Variants in GRM5 observed in about 807,000 individuals in gnomAD.
GRM5 encodes the protein metabotropic glutamate receptor 5.
A neutral mutation model predicts 83.1 loss-of-function variants in GRM5; 19 were observed. The observed-to-expected ratio is 0.23, with a 90% CI of 0.16 to 0.34. The LOEUF is 0.34. Among genes scored for constraint, GRM5 ranks in the 10% least tolerant of loss-of-function variants. The pLI is 1.00. For synonymous variants in GRM5, 675 were observed against 633.6 expected (o/e 1.07, Z -0.98); for missense variants, 1,160 against 1,588.3 (o/e 0.73, Z 4.58).
intron 3 of GRM5, among the ~76,000 whole-genome samples, chr11:88,769,492 G>T (rs931191956): frequency 6.6e-6 from 1 of 151,986 alleles, no homozygotes; most frequent in Non-Finnish European, 1.5e-5. Flanking sequence ...AACCAGTGTT[G>T]CTTGGAGAAA....
At chr11:88,600,933 G>C (rs2135225526) in intron 5 of GRM5, among the ~76,000 whole-genome samples, 1 of 152,308 alleles carries the variant, frequency 6.6e-6, no homozygotes, top group Non-Finnish European at 1.5e-5. Context: ...CAATTACAAT[G>C]ATCTGTGCCT....
At chr11:88,696,990 C>T (rs180813935) in intron 3 of GRM5, among the ~76,000 whole-genome samples, 14 of 152,258 alleles carry the variant, frequency 9.2e-5, no homozygotes, top group Admixed American at 9.2e-4. Context: ...CTAAGCCTAC[C>T]AGCTGCAACT....
intron 5 of GRM5, among the ~76,000 whole-genome samples, chr11:88,603,248 T>G (rs1011254217): frequency 6.6e-6 from 1 of 152,224 alleles, no homozygotes; most frequent in African/African-American, 2.4e-5. Flanking sequence ...GAGCTGGACC[T>G]TCTGAGGCAT....
At position 88,567,105 on chromosome 11, in the gene GRM5, T is replaced by C. The variant is rs1260414047; in HGVS notation, c.2578A>G (p.Ser860Gly). 1.2e-6 allele frequency: 2 copies of C among 1,614,048 alleles called. No individual in the cohort carries two copies. ...GKSSSAASRSSSLVNLWKRRG... is the reference protein window; with the variant it reads ...GKSSSAASRSGSLVNLWKRRG... Reference sequence around the variant, plus strand: ...CTCTTCCACAGGTTGACTAGGCTGCTGGATCTGCTGGCTGCGGAGGATGAC... The same window carrying C: ...CTCTTCCACAGGTTGACTAGGCTGCCGGATCTGCTGGCTGCGGAGGATGAC... Residue 860 changes from serine (S) to glycine (G), a missense_variant, in exon 8 of 10, where the codon AGC (serine) becomes GGC (glycine). Around this residue, in one of 9 missense-constraint regions of GRM5, gnomAD observed 562 missense variants for 532.4 expected, o/e 1.06. Coordinates refer to ENST00000305447, the MANE Select transcript of GRM5 (RefSeq NM_001143831.3). This position sits in a 1 kb window ranked among gnomAD's most constrained non-coding sequence, Gnocchi z 7.3.
chr11:88,814,735 T>C (rs932972043), intron 3 of GRM5, among the ~76,000 whole-genome samples: 3 of 151,844 alleles, frequency 2.0e-5, no homozygotes, highest in African/African-American at 4.8e-5. Flanking sequence ...ATTTACAATA[T>C]CTGAATTGCA....
chr11:88,759,313 G>T (rs968284997), intron 3 of GRM5, among the ~76,000 whole-genome samples: 1 of 152,026 alleles, frequency 6.6e-6, no homozygotes, highest in Admixed American at 6.6e-5. Context: ...CCCAATGTAC[G>T]GTCTCTTCAG....
At chr11:88,632,130 C>T (rs982010) in intron 4 of GRM5, among the ~76,000 whole-genome samples, 105,364 of 151,958 alleles carry the variant, frequency 0.69, 41,808 homozygotes, top group Non-Finnish European at 0.9. Flanking sequence ...CCTCCCGCAC[C>T]TTTGTAATCC....
chr11:88,992,344 G>C (rs932559700), intron 2 of GRM5, among the ~76,000 whole-genome samples: 2 of 151,766 alleles, frequency 1.3e-5, no homozygotes, highest in African/African-American at 4.8e-5. Flanking sequence ...TTAGAATGGT[G>C]ATCATTAAAA....
chr11:89,048,048 T>G lies in GRM5; in HGVS notation c.-176A>C. 4 of 590,592 alleles carry G rather than the reference T, an allele frequency of 6.8e-6. No homozygotes were observed. 36.6% of individuals were successfully genotyped at this position (590,592 alleles called of 1,614,324 possible). A position where few individuals can be genotyped will look rare whatever the true frequency, so the allele number is the denominator to read the frequency against. ...CCCCATGTACCATTTAGTTAGATGA[T>G]CCATGTGGTCATGATCTTCTAAACC... On this transcript the variant is annotated 5_prime_UTR_variant, in exon 2 of 10. Coordinates refer to ENST00000305447, the MANE Select transcript of GRM5 (RefSeq NM_001143831.3).
At chr11:88,607,291 A>C (rs1938180867) in intron 4 of GRM5, among the ~76,000 whole-genome samples, 1 of 152,166 alleles carries the variant, frequency 6.6e-6, no homozygotes, top group South Asian at 2.1e-4. Flanking sequence ...CAAGTCAAAC[A>C]CTTTTGAATC....
chr11:88,713,632 A>G (rs1165733012), intron 3 of GRM5, among the ~76,000 whole-genome samples: 2 of 152,048 alleles, frequency 1.3e-5, no homozygotes, highest in Admixed American at 1.3e-4. Flanking sequence ...CTCAAATATT[A>G]GAATGTCACA....
At chr11:88,838,904 C>CACACACAT (rs1404652066) in intron 3 of GRM5, among the ~76,000 whole-genome samples, 9 of 145,006 alleles carry the variant, frequency 6.2e-5, no homozygotes, top group Non-Finnish European at 1.1e-4. Context: ...CACACACACA[C>CACACACAT]ATACACACAC....
intron 3 of GRM5, among the ~76,000 whole-genome samples, chr11:88,693,831 T>C (rs911925077): frequency 2.0e-5 from 3 of 150,960 alleles, no homozygotes; most frequent in African/African-American, 5.0e-5. Flanking sequence ...AGGAATGAAA[T>C]GTTAGGTGTG....
At chr11:88,576,662 C>T (rs1476898273) in intron 7 of GRM5, among the ~76,000 whole-genome samples, 2 of 151,940 alleles carry the variant, frequency 1.3e-5, no homozygotes, top group Admixed American at 6.6e-5. Context: ...CTGGAGAAAC[C>T]CTTGCAGAAG....
At chr11:88,653,124 A>T (rs202032067) in intron 4 of GRM5, 44 bp downstream of exon 4, 1 of 1,197,910 alleles carries the variant, frequency 8.3e-7, no homozygotes, top group Non-Finnish European at 1.2e-6. Context: ...TTAAATTGGA[A>T]CCTTAGCCTT....
At chr11:88,516,723 G>GT (rs5793328) in intron 9 of GRM5, among the ~76,000 whole-genome samples, 132,642 of 148,360 alleles carry the variant, frequency 0.89, 59,575 homozygotes, top group South Asian at 0.96. Flanking sequence ...GATTATCCTG[G>GT]TTTTTTTTTT....
chr11:88,636,310 G>C (rs1939119118), intron 4 of GRM5, among the ~76,000 whole-genome samples: 1 of 152,174 alleles, frequency 6.6e-6, no homozygotes, highest in South Asian at 2.1e-4. Context: ...TCAGGAGTTT[G>C]AGAACAGCCT....
At chr11:88,624,657 G>C (rs1220665611) in intron 4 of GRM5, among the ~76,000 whole-genome samples, 1 of 152,174 alleles carries the variant, frequency 6.6e-6, no homozygotes, top group Non-Finnish European at 1.5e-5. Flanking sequence ...ACTCCAGCCT[G>C]GGCGACAGAG....
At chr11:88,606,990 G>A in intron 4 of GRM5, among the ~76,000 whole-genome samples, 1 of 148,746 alleles carries the variant, frequency 6.7e-6, no homozygotes, top group East Asian at 2.0e-4. Flanking sequence ...ACTCTCCAAA[G>A]GTAGTATGTT....
Sources: allele counts gnomAD v4.1 joint callset (sites outside exome capture counted in the v4.1 genomes callset), GRCh38; gene constraint gnomAD v4.1.1; regional missense constraint gnomAD v4.1.1; non-coding constraint Gnocchi (gnomAD v3.1); transcripts MANE v1.5; gene names NCBI Gene and HGNC (gene_info 2026-07-23, HGNC 2026-07-21).